SMYD3: variants seen among roughly 807,000 people sequenced by gnomAD.
The protein encoded by SMYD3 is histone-lysine N-methyltransferase SMYD3.
Under a neutral mutation model 57.7 loss-of-function variants are expected in SMYD3, and 36 were observed. The ratio of observed to expected loss-of-function variants is 0.62; its 90% CI spans 0.48 to 0.82. The LOEUF (loss-of-function observed/expected upper bound fraction) is 0.82. Ranked by LOEUF, SMYD3 falls within the 40% of genes least tolerant of loss-of-function variation. The pLI is 0.00. For synonymous variants in SMYD3, 211 were observed against 195.0 expected, an observed-to-expected ratio of 1.08 and a Z score of -0.68; for missense variants, 515 against 538.8, an observed-to-expected ratio of 0.96 and a Z score of 0.44.
At chr1:246,066,492 T>G (rs1271963075) in intron 5 of SMYD3, among the ~76,000 whole-genome samples, 1 of 152,218 alleles carries the variant, frequency 6.6e-6, no homozygotes, top group Non-Finnish European at 1.5e-5. Context: ...TAAAATTCTC[T>G]GCACTGCTAA....
intron 1 of SMYD3, among the ~76,000 whole-genome samples, chr1:246,461,483 G>C (rs1443319875): frequency 6.6e-6 from 1 of 151,862 alleles, no homozygotes; most frequent in Non-Finnish European, 1.5e-5. Context: ...TGTTTCTATA[G>C]AAAAATAGAA....
chr1:245,853,698 T>TC (rs1352204223), intron 10 of SMYD3, among the ~76,000 whole-genome samples: 1 of 146,976 alleles, frequency 6.8e-6, no homozygotes, highest in Admixed American at 7.0e-5. Flanking sequence ...TATCAACCTA[T>TC]CTTCCAAACC....
intron 5 of SMYD3, among the ~76,000 whole-genome samples, chr1:246,060,432 C>T (rs921894866): frequency 2.0e-5 from 3 of 151,770 alleles, no homozygotes; most frequent in African/African-American, 7.3e-5. Context: ...TTACCTTATC[C>T]TAATCATATC....
At position 245,785,262 on chromosome 1, in the gene SMYD3, TG is replaced by T. The variant is rs550124587; in HGVS notation, c.1077-21114del. Among the ~76,000 whole-genome samples, 143 of 152,208 alleles carry T rather than the reference TG, an allele frequency of 9.4e-4. 1 individual carries two copies. In the Middle Eastern group the frequency reaches 0.017, roughly 18 times the overall value. ...AGGAGATATTGTAGTGGACATCTTT[TG>T]AAAATACCAATTGTCACAATGGTTA... On this transcript the variant is annotated intron_variant, in intron 10 of 11. Coordinates refer to ENST00000490107, the MANE Select transcript of SMYD3 (RefSeq NM_001167740.2).
intron 5 of SMYD3, chr1:246,109,818 C>T (rs1459081087): frequency 1.3e-5 from 2 of 152,192 alleles, no homozygotes; most frequent in African/African-American, 4.8e-5. Context: ...GAAAGCAGCC[C>T]AGTCTTACTA....
chr1:246,162,527 T>C (rs73141369), intron 5 of SMYD3, among the ~76,000 whole-genome samples: 239 of 152,360 alleles, frequency 1.6e-3, no homozygotes, highest in African/African-American at 5.6e-3. Flanking sequence ...CTCAAGAATC[T>C]GGAATTTTTG....
intron 10 of SMYD3, among the ~76,000 whole-genome samples, chr1:245,802,840 G>C (rs570532886): frequency 6.3e-4 from 96 of 152,336 alleles, no homozygotes; most frequent in African/African-American, 2.3e-3. Context: ...CTCGTCTTAA[G>C]CTCTTATCTT....
At position 245,791,952 on chromosome 1, in the gene SMYD3, TTGTGTGTG is replaced by T. The variant is rs59018021; in HGVS notation, c.1077-27811_1077-27804del. 6.1e-3 allele frequency among the ~76,000 whole-genome samples: 897 copies of T among 146,230 alleles called. 10 individuals are homozygous for T. Among genetic ancestry groups the T allele is most frequent in the African/African-American group, 0.021 (838 of 39,612 alleles). On this transcript the variant is annotated intron_variant, in intron 10 of 11. Coordinates refer to ENST00000490107, the MANE Select transcript of SMYD3 (RefSeq NM_001167740.2). ...TGTTTTAAACATTCTAATTTTAAAC[TTGTGTGTG>T]TGTGTGTGTGTGTGTGTGTGTGTGT...
chr1:246,342,309 T>G (rs1455956976), intron 2 of SMYD3, among the ~76,000 whole-genome samples: 1 of 152,200 alleles, frequency 6.6e-6, no homozygotes, highest in Non-Finnish European at 1.5e-5. Context: ...AGGTTTCCTA[T>G]GGGCAAAACT....
In SMYD3 at chr1:246,387,274, C is replaced by T. The variant is rs147104540; in HGVS notation, c.165-32180G>A. Among the ~76,000 whole-genome samples, 18 of 152,280 alleles carry T rather than the reference C, an allele frequency of 1.2e-4. No homozygotes were observed. In the East Asian group the frequency reaches 2.7e-3, roughly 23 times the overall value. ...CTTAATATTTATAATATTTAGAGGA[C>T]AACTTAGTTAACTTTTCTAGCTTCA... On this transcript the variant is annotated intron_variant, in intron 1 of 11. Transcript: ENST00000490107.
intron 8 of SMYD3, among the ~76,000 whole-genome samples, chr1:245,889,994 T>C (rs531761071): frequency 9.9e-5 from 15 of 151,872 alleles, no homozygotes; most frequent in Admixed American, 4.6e-4. Flanking sequence ...GGGGGAAGGA[T>C]AGTCTTCAAT....
chr1:246,059,639 A>G (rs6697846), intron 5 of SMYD3, among the ~76,000 whole-genome samples: 25,751 of 152,042 alleles, frequency 0.17, 2,649 homozygotes, highest in East Asian at 0.39. Context: ...AAGAAAAAAA[A>G]CCATTCCTTT....
intron 5 of SMYD3, among the ~76,000 whole-genome samples, chr1:246,110,854 C>T (rs2061224011): frequency 6.6e-6 from 1 of 152,158 alleles, no homozygotes; most frequent in Non-Finnish European, 1.5e-5. Flanking sequence ...CTTACACCTA[C>T]CAATTTAAAA....
At chr1:246,285,004 G>A (rs1005867540) in intron 5 of SMYD3, among the ~76,000 whole-genome samples, 4 of 150,966 alleles carry the variant, frequency 2.6e-5, no homozygotes, top group Non-Finnish European at 1.5e-5. Context: ...GGAACAGGTG[G>A]TATTTGGTTA....
At chr1:246,036,539 CTT>C (rs59062672) in intron 5 of SMYD3, among the ~76,000 whole-genome samples, 69 of 144,998 alleles carry the variant, frequency 4.8e-4, no homozygotes, top group African/African-American at 1.6e-3. Context: ...TTCTTTCTCT[CTT>C]TTTTTTTTTT....
At chr1:245,904,526 C>T (rs760523041) in intron 8 of SMYD3, among the ~76,000 whole-genome samples, 5 of 152,152 alleles carry the variant, frequency 3.3e-5, no homozygotes, top group Non-Finnish European at 5.9e-5. Context: ...CTGATGTTGC[C>T]CACAGAGGGA....
intron 5 of SMYD3, among the ~76,000 whole-genome samples, chr1:246,077,299 T>C (rs1314226058): frequency 6.6e-6 from 1 of 152,210 alleles, no homozygotes; most frequent in Non-Finnish European, 1.5e-5. Context: ...GGAAGTATTA[T>C]GTGCCAAAAA....
At chr1:245,877,721 C>T (rs536777498) in intron 8 of SMYD3, among the ~76,000 whole-genome samples, 13 of 152,246 alleles carry the variant, frequency 8.5e-5, no homozygotes, top group Non-Finnish European at 1.2e-4. Flanking sequence ...CGAAGCCTTC[C>T]GGTGAGATGG....
At chr1:246,415,827 GTTTA>G (rs1051497344) in intron 1 of SMYD3, among the ~76,000 whole-genome samples, 17 of 152,212 alleles carry the variant, frequency 1.1e-4, no homozygotes, top group African/African-American at 3.6e-4. Context: ...AGTCTATATA[GTTTA>G]TTTATCTATT....
Sources: gnomAD v4.1 joint callset for allele counts (sites outside exome capture counted in the v4.1 genomes callset) on GRCh38, gnomAD v4.1.1 for gene constraint, MANE v1.5 for transcripts, NCBI Gene and HGNC (gene_info 2026-07-23, HGNC 2026-07-21) for gene names.